The following KCNK13 variants were observed in gnomAD, a reference collection of about 807,000 sequenced individuals.
KCNK13 encodes the protein potassium channel subfamily K member 13.
Under a neutral mutation model 23.4 loss-of-function variants are expected in KCNK13, and 12 were observed. The ratio of observed to expected loss-of-function variants is 0.51; its 90% confidence interval spans 0.33 to 0.83. The LOEUF (loss-of-function observed/expected upper bound fraction) is 0.83. Ranked by LOEUF, KCNK13 falls within the 40% of genes least tolerant of loss-of-function variation. The pLI, the probability that KCNK13 is intolerant of heterozygous loss-of-function variation, is 0.02. For missense variants in KCNK13, 463 were observed against 556.3 expected (o/e 0.83, Z 1.69); for synonymous variants, 231 against 229.5 (o/e 1.01, Z -0.06).
At chr14:90,097,485 T>C (rs1195447919) in intron 1 of KCNK13, among the ~76,000 whole-genome samples, 1 of 152,094 alleles carries the variant, frequency 6.6e-6, no homozygotes, top group Non-Finnish European at 1.5e-5. Flanking sequence ...ATCTGCCCCC[T>C]GTGACCCAAA....
At chr14:90,129,191 AT>A (rs747397709) in intron 1 of KCNK13, among the ~76,000 whole-genome samples, 1 of 152,046 alleles carries the variant, frequency 6.6e-6, no homozygotes, top group Non-Finnish European at 1.5e-5. Context: ...GAACCTATTT[AT>A]TTTTGCTTCT....
intron 1 of KCNK13, among the ~76,000 whole-genome samples, chr14:90,093,167 C>A (rs1889369410): frequency 6.6e-6 from 1 of 152,116 alleles, no homozygotes; most frequent in South Asian, 2.1e-4. Flanking sequence ...GAAACTGAGA[C>A]AGGAAATTTG....
At chr14:90,077,080 A>G (rs1435158621) in intron 1 of KCNK13, among the ~76,000 whole-genome samples, 2 of 146,834 alleles carry the variant, frequency 1.4e-5, no homozygotes, top group African/African-American at 5.0e-5. Context: ...CAGCCTCCCA[A>G]AGTGCTGGGA....
intron 1 of KCNK13, among the ~76,000 whole-genome samples, chr14:90,072,583 T>A (rs1201230079): frequency 6.6e-6 from 1 of 152,230 alleles, no homozygotes; most frequent in African/African-American, 2.4e-5. Context: ...TAGCAGAGCT[T>A]GCTTTTTATA....
At chr14:90,067,147 T>C (rs1450119040) in intron 1 of KCNK13, among the ~76,000 whole-genome samples, 1 of 152,188 alleles carries the variant, frequency 6.6e-6, no homozygotes, top group Non-Finnish European at 1.5e-5. Flanking sequence ...CCTGTGCCTG[T>C]AGTCCCAGCT....
At chr14:90,067,640 C>A (rs1889024534) in intron 1 of KCNK13, among the ~76,000 whole-genome samples, 1 of 152,006 alleles carries the variant, frequency 6.6e-6, no homozygotes, top group South Asian at 2.1e-4. Flanking sequence ...GTAAAGAAAA[C>A]CTCAGGGCAG....
Position 90,184,124 on chromosome 14 carries a change from A to G in KCNK13, c.348A>G (p.Thr116=), listed in dbSNP as rs1890517337. The change falls in exon 2 of 2, where the codon ACA becomes ACG. Residue 116 remains threonine (T), a synonymous_variant. Transcript: ENST00000282146. This position sits in a 1 kb window ranked among gnomAD's most constrained non-coding sequence, Gnocchi z 5.6. ...TCTCTCCTGCAGGGTTTGGGATGAC[A>G]ACTCCGGCGACAGTAGGAGGAAAAA... ...TVVSTIGFGM[T]TPATVGGKIF... The G allele has an allele frequency of 6.2e-7, 1 of 1,612,494 alleles. No individual in the cohort carries two copies. The highest frequency in any genetic ancestry group is 1.3e-5 in the African/African-American group (1 of 74,892).
At chr14:90,091,537 T>C (rs1889343440) in intron 1 of KCNK13, among the ~76,000 whole-genome samples, 1 of 152,214 alleles carries the variant, frequency 6.6e-6, no homozygotes, top group Non-Finnish European at 1.5e-5. Flanking sequence ...TCTTGTTGGA[T>C]ACCATCCATG....
At chr14:90,085,413 C>G (rs1889259898) in intron 1 of KCNK13, among the ~76,000 whole-genome samples, 1 of 151,378 alleles carries the variant, frequency 6.6e-6, no homozygotes, top group Non-Finnish European at 1.5e-5. Context: ...AATACTAGCA[C>G]TTTGGGAGGC....
chr14:90,092,591 G>A (rs1889361507), intron 1 of KCNK13, among the ~76,000 whole-genome samples: 1 of 152,096 alleles, frequency 6.6e-6, no homozygotes, highest in East Asian at 1.9e-4. Context: ...AGATACAGAA[G>A]ACCAGCTTTT....
At chr14:90,173,808 G>A (rs573305922) in intron 1 of KCNK13, among the ~76,000 whole-genome samples, 1 of 152,336 alleles carries the variant, frequency 6.6e-6, no homozygotes, top group African/African-American at 2.4e-5. Context: ...CAGATCATAG[G>A]TAGTGTATTA....
intron 1 of KCNK13, among the ~76,000 whole-genome samples, chr14:90,183,481 C>T (rs1890510775): frequency 6.6e-6 from 1 of 152,134 alleles, no homozygotes; most frequent in South Asian, 2.1e-4. Context: ...CTCCCTGCTT[C>T]ATCTTTTCTA....
chr14:90,115,865 G>A (rs1889671154), intron 1 of KCNK13, among the ~76,000 whole-genome samples: 1 of 152,174 alleles, frequency 6.6e-6, no homozygotes, highest in Non-Finnish European at 1.5e-5. Context: ...AGCTCTTCAG[G>A]TGATTTTCAA....
At chr14:90,068,777 A>G (rs1023386545) in intron 1 of KCNK13, among the ~76,000 whole-genome samples, 1 of 152,100 alleles carries the variant, frequency 6.6e-6, no homozygotes, top group African/African-American at 2.4e-5. Context: ...AAGCCCTCCC[A>G]TGCTTTAGAA....
chr14:90,122,839 C>T (rs866803536), intron 1 of KCNK13, among the ~76,000 whole-genome samples: 2 of 152,168 alleles, frequency 1.3e-5, no homozygotes, highest in African/African-American at 4.8e-5. Context: ...TCATTCAATA[C>T]GCACCTAATA....
intron 1 of KCNK13, among the ~76,000 whole-genome samples, chr14:90,162,593 A>G (rs558390169): frequency 6.6e-6 from 1 of 152,232 alleles, no homozygotes; most frequent in Non-Finnish European, 1.5e-5. Context: ...TCAATTTAAA[A>G]TAGTGATAAG....
Position 90,115,606 on chromosome 14 carries a change from G to A in KCNK13, c.334+53067G>A, listed in dbSNP as rs1001568253. On this transcript the variant is annotated intron_variant, in intron 1 of 1. Coordinates refer to ENST00000282146, the MANE Select transcript of KCNK13 (RefSeq NM_022054.4). Reference sequence around the variant, plus strand: ...GCTTGCCGACTATATGGTCTCTGTTGCAACTGCTCAACTTTGCGACTGTAG... The same window carrying A: ...GCTTGCCGACTATATGGTCTCTGTTACAACTGCTCAACTTTGCGACTGTAG... Among the ~76,000 whole-genome samples the A allele has an allele frequency of 5.3e-5, 8 of 152,164 alleles. 1 individual carries two copies. Among genetic ancestry groups the A allele is most frequent in the African/African-American group, 1.9e-4 (8 of 41,422 alleles).
chr14:90,107,606 G>A (rs1889561760), intron 1 of KCNK13: 1 of 534,690 alleles, frequency 1.9e-6, no homozygotes, highest in Non-Finnish European at 3.4e-6. Context: ...ACAAGAATTA[G>A]GTTTGGCTCA....
chr14:90,143,974 G>A (rs1398698650), intron 1 of KCNK13, among the ~76,000 whole-genome samples: 4 of 152,176 alleles, frequency 2.6e-5, no homozygotes, highest in Non-Finnish European at 5.9e-5. Flanking sequence ...GGACTTGGAC[G>A]GAGGCTTCTA....
Sources: allele counts gnomAD v4.1 joint callset (sites outside exome capture counted in the v4.1 genomes callset), GRCh38; gene constraint gnomAD v4.1.1; non-coding constraint Gnocchi (gnomAD v3.1); transcripts MANE v1.5; gene names NCBI Gene and HGNC (gene_info 2026-07-23, HGNC 2026-07-21).